PTGR2: variants seen among roughly 807,000 people sequenced by gnomAD.
The protein encoded by PTGR2 is 15-oxoprostaglandin 13-reductase.
Under a neutral mutation model 43.4 loss-of-function variants are expected in PTGR2, and 32 were observed. The observed-to-expected ratio is 0.74, with a 90% confidence interval of 0.56 to 0.99. The LOEUF (loss-of-function observed/expected upper bound fraction) is 0.99. PTGR2 is among the 50% of genes least tolerant of loss of function. The pLI, the probability that PTGR2 is intolerant of heterozygous loss-of-function variation, is 0.00. For missense variants in PTGR2, 373 were observed against 420.0 expected, an observed-to-expected ratio of 0.89 and a Z score of 0.98; for synonymous variants, 106 against 139.2, an observed-to-expected ratio of 0.76 and a Z score of 1.68.
rs2054802440 is a variant in PTGR2, at chr14:73,874,208, T to C, written c.342T>C (p.Leu114=). ...AGGTTATTCTGGATGGAAATAGCCT[T>C]GAAAAGGTGATATATATATGAACAT... ...QTKVILDGNS[L]EKVDPQLVDG... is the part of the protein sequence containing the mutation. Residue 114 remains leucine, a synonymous_variant, in exon 4 of 10, where the codon CTT becomes CTC. Coordinates refer to ENST00000555661, the MANE Select transcript of PTGR2 (RefSeq NM_001146154.2). 1 of 1,609,282 alleles carries C rather than the reference T, an allele frequency of 6.2e-7. No homozygotes were observed. Among genetic ancestry groups the C allele is most frequent in the African/African-American group, 1.3e-5 (1 of 74,674 alleles).
Position 73,876,899 on chromosome 14 carries a change from G to A in PTGR2, c.349-99G>A, listed in dbSNP as rs577673197. ...GGGCTTAGGGCTTTACTATATAAAT[G>A]TTGTGGGGACGCAATTCAGTCCATA... On this transcript the variant is annotated intron_variant, in intron 4 of 9. Coordinates refer to ENST00000555661, the MANE Select transcript of PTGR2 (RefSeq NM_001146154.2). 3.7e-4 allele frequency: 303 copies of A among 810,546 alleles called. 1 individual carries two copies. In the African/African-American group the frequency reaches 4.7e-3, roughly 13 times the overall value. 50.2% of individuals were successfully genotyped at this position (810,546 alleles called of 1,614,324 possible). A position where few individuals can be genotyped will look rare whatever the true frequency, so the allele number is the denominator to read the frequency against.
At chr14:73,882,322 C>T (rs1264792887) in intron 8 of PTGR2, 77 bp from the exon 9 acceptor site, 27 of 908,236 alleles carry the variant, frequency 3.0e-5, no homozygotes, top group Non-Finnish European at 4.2e-5. Context: ...GTATTGCTGG[C>T]TTTTGTAAGT....
At chr14:73,853,684 A>G (rs753419652) in intron 1 of PTGR2, among the ~76,000 whole-genome samples, 1 of 151,958 alleles carries the variant, frequency 6.6e-6, no homozygotes, top group Admixed American at 6.6e-5. Flanking sequence ...TTTTGGGGTG[A>G]GGGTGGGGGA....
In PTGR2 at chr14:73,868,563, A is replaced by G; in HGVS notation, c.157-5460A>G. Among the ~76,000 whole-genome samples the G allele has an allele frequency of 1.3e-5, 2 of 152,016 alleles. 1 individual carries two copies. Among genetic ancestry groups the G allele is most frequent in the African/African-American group, 4.8e-5 (2 of 41,382 alleles). ...AACTTGCATTTGAGTCTTGCCATTC[A>G]TATACAAACCAACCAATCCAAAGCC... On this transcript the variant is annotated intron_variant, in intron 3 of 9. Transcript: ENST00000555661.
At chr14:73,856,409 G>A (rs565847806) in intron 1 of PTGR2, among the ~76,000 whole-genome samples, 22 of 124,846 alleles carry the variant, frequency 1.8e-4, no homozygotes, top group African/African-American at 4.7e-4. Context: ...CCTGCCCACC[G>A]GCTATTTTTT....
intron 1 of PTGR2, among the ~76,000 whole-genome samples, chr14:73,852,761 AG>A (rs1297428442): frequency 6.6e-6 from 1 of 152,148 alleles, no homozygotes; most frequent in East Asian, 1.9e-4. Context: ...CGGGAGGGGA[AG>A]GGGGAGACCA....
intron 9 of PTGR2, among the ~76,000 whole-genome samples, chr14:73,883,188 C>CTTTTTTTTTTTTTTTTTT (rs58234739): frequency 8.6e-5 from 5 of 58,150 alleles, no homozygotes; most frequent in East Asian, 1.3e-3. Flanking sequence ...CCTCACCTCC[C>CTTTTTTTTTTTTTTTTTT]TTTTTTTTTT....
In PTGR2 at chr14:73,877,132, T is replaced by C. The variant is rs756542485; in HGVS notation, c.483T>C (p.Ser161=). The part of the protein sequence containing the change: ...TAGSNKTMVV[S]GAAGACGSVA... ...GATCTAATAAGACAATGGTTGTCAG[T>C]GGGGCCGCAGGTGCCTGTGGATCTG... Residue 161 remains serine (S), a synonymous_variant, in exon 5 of 10, where the codon AGT becomes AGC. Transcript: ENST00000555661. 2 of 1,614,094 alleles carry C rather than the reference T, an allele frequency of 1.2e-6. No homozygotes were observed. The highest frequency in any genetic ancestry group is 4.5e-5 in the East Asian group (2 of 44,892).
rs869073652 is a variant in PTGR2, at chr14:73,871,341, C to CTT, written c.157-2657_157-2656dup. ...GCATCTCTTCTATTTGGCTGTTCAT[C>CTT]TTTTTTTTTTTTTTTTTTTTTTTTT... On this transcript the variant is annotated intron_variant, in intron 3 of 9. Transcript: ENST00000555661. Among the ~76,000 whole-genome samples, 195 of 67,836 alleles carry CTT rather than the reference C, an allele frequency of 2.9e-3. 1 individual carries two copies. The highest frequency in any genetic ancestry group is 4.9e-3 in the East Asian group (7 of 1,428). The allele number at this position is 67,836 out of a possible 152,430, so 44.5% of individuals were successfully genotyped here. A position where few individuals can be genotyped will look rare whatever the true frequency, so the allele number is the denominator to read the frequency against.
intron 7 of PTGR2, among the ~76,000 whole-genome samples, chr14:73,880,808 AT>A (rs2054969035): frequency 1.3e-5 from 2 of 152,038 alleles, no homozygotes; most frequent in South Asian, 4.1e-4. Context: ...AAAAATTATT[AT>A]TATTTGAGAT....
intron 3 of PTGR2, among the ~76,000 whole-genome samples, chr14:73,864,487 G>T (rs553529120): frequency 6.6e-6 from 1 of 152,162 alleles, no homozygotes; most frequent in Non-Finnish European, 1.5e-5. Flanking sequence ...AGCCATTCTA[G>T]TTGGTGTAAA....
At chr14:73,864,216 C>T (rs1263629528) in intron 3 of PTGR2, among the ~76,000 whole-genome samples, 2 of 152,150 alleles carry the variant, frequency 1.3e-5, no homozygotes, top group Non-Finnish European at 2.9e-5. Flanking sequence ...GGGTTGTTTA[C>T]ACAACTTGGC....
chr14:73,869,451 GGTGGGAGGATCACTTGAGCCCGGGAA>G (rs1052344127), intron 3 of PTGR2, among the ~76,000 whole-genome samples: 5 of 151,602 alleles, frequency 3.3e-5, no homozygotes, highest in South Asian at 2.1e-4. Context: ...GAGCCCGGGA[GGTGGGAGGATCACTTGAGCCCGGGAA>G]GTGGGAGGAT....
chr14:73,860,428 C>T, intron 2 of PTGR2, 111 bp from the exon 3 acceptor site: 1 of 550,210 alleles, frequency 1.8e-6, no homozygotes, highest in Non-Finnish European at 3.2e-6. Flanking sequence ...GATCGCGCCA[C>T]TGCATTCCAG....
chr14:73,879,008 A>G, intron 5 of PTGR2, 88 bp from the exon 6 acceptor site: 1 of 1,068,664 alleles, frequency 9.4e-7, no homozygotes. Flanking sequence ...GAACACTGTC[A>G]TATACCTGTA....
chr14:73,869,390 G>A (rs1229659797), intron 3 of PTGR2, among the ~76,000 whole-genome samples: 1 of 151,300 alleles, frequency 6.6e-6, no homozygotes, highest in Non-Finnish European at 1.5e-5. Flanking sequence ...GAAATTAGGT[G>A]AGTGTTAAGG....
chr14:73,873,450 TTTTTC>T (rs752994934), intron 3 of PTGR2, among the ~76,000 whole-genome samples: 5 of 151,654 alleles, frequency 3.3e-5, no homozygotes, highest in South Asian at 2.1e-4. Flanking sequence ...CAAGTTTCTT[TTTTTC>T]TTTTCTTTTC....
At chr14:73,876,629 C>G (rs2054872487) in intron 4 of PTGR2, among the ~76,000 whole-genome samples, 2 of 152,094 alleles carry the variant, frequency 1.3e-5, no homozygotes, top group East Asian at 1.9e-4. Context: ...GCGCATGCCA[C>G]CATGCCTTGC....
rs1428052361 is a variant in PTGR2, at chr14:73,882,312, G to A, written c.940-87G>A. On this transcript the variant is annotated intron_variant, in intron 8 of 9. Coordinates refer to ENST00000555661, the MANE Select transcript of PTGR2 (RefSeq NM_001146154.2). ...CTATTTTTAGACAAAGTGCTAAATA[G>A]TATTGCTGGCTTTTGTAAGTATGGA... The A allele has an allele frequency of 3.7e-6, 3 of 814,718 alleles. No homozygotes were observed. In the African/African-American group the frequency reaches 5.2e-5, roughly 14 times the overall value. 50.5% of individuals were successfully genotyped at this position (814,718 alleles called of 1,614,324 possible).
Sources: gnomAD v4.1 joint callset for allele counts (sites outside exome capture counted in the v4.1 genomes callset) on GRCh38, gnomAD v4.1.1 for gene constraint, MANE v1.5 for transcripts, NCBI Gene and HGNC (gene_info 2026-07-23, HGNC 2026-07-21) for gene names.